PAPPA2: variants seen among roughly 807,000 people sequenced by gnomAD.
PAPPA2 encodes the protein pappalysin 2.
A neutral mutation model predicts 176.4 loss-of-function variants in PAPPA2; 86 were observed. That is an observed-to-expected ratio of 0.49 (90% CI 0.41 to 0.58). The LOEUF is 0.58. PAPPA2 is among the 20% of genes least tolerant of loss of function. PAPPA2 has a pLI of 0.00. For synonymous variants in PAPPA2, 809 were observed against 852.2 expected (o/e 0.95, Z 0.88); for missense variants, 2,073 against 2,256.9 (o/e 0.92, Z 1.65).
chr1:176,571,669 G>T (rs1652344076), intron 2 of PAPPA2, among the ~76,000 whole-genome samples: 1 of 152,188 alleles, frequency 6.6e-6, no homozygotes, highest in African/African-American at 2.4e-5. Context: ...CTGAATGCTT[G>T]TTGCATGTAT....
Position 176,519,683 on chromosome 1 carries a change from C to G in PAPPA2, c.-916-35724C>G, listed in dbSNP as rs116692043. On this transcript the variant is annotated intron_variant, in intron 1 of 22. Coordinates refer to ENST00000367662, the MANE Select transcript of PAPPA2 (RefSeq NM_020318.3). Reference sequence around the variant, plus strand: ...TCCCCAGGAAGTAGAAACAACATGACTGCCTATCACCTGTCCACATAATTA... The same window carrying G: ...TCCCCAGGAAGTAGAAACAACATGAGTGCCTATCACCTGTCCACATAATTA... Among the ~76,000 whole-genome samples the G allele has an allele frequency of 5.5e-3, 844 of 152,308 alleles. 8 individuals carry two copies. Among genetic ancestry groups the G allele is most frequent in the African/African-American group, 0.019 (792 of 41,560 alleles).
intron 2 of PAPPA2, among the ~76,000 whole-genome samples, chr1:176,588,302 G>T (rs571846792): frequency 6.6e-6 from 1 of 152,334 alleles, no homozygotes; most frequent in Non-Finnish European, 1.5e-5. Flanking sequence ...AGTTCAAGAA[G>T]TTTTTGTGCT....
At chr1:176,832,040 G>C (rs911274788) in intron 21 of PAPPA2, among the ~76,000 whole-genome samples, 3 of 152,180 alleles carry the variant, frequency 2.0e-5, no homozygotes, top group Non-Finnish European at 4.4e-5. Context: ...GTTGGTGGCA[G>C]AATCTTGAAG....
chr1:176,771,215 C>A (rs747827128), intron 17 of PAPPA2, 35 bp downstream of exon 17: 5 of 1,585,034 alleles, frequency 3.2e-6, no homozygotes, highest in South Asian at 1.1e-5. Flanking sequence ...GGAGTTCTAC[C>A]TACCTCGCTG....
intron 2 of PAPPA2, among the ~76,000 whole-genome samples, chr1:176,592,006 T>C (rs894037182): frequency 6.6e-6 from 1 of 152,232 alleles, no homozygotes; most frequent in African/African-American, 2.4e-5. Flanking sequence ...TTTTGTAATA[T>C]GGTATAAGCT....
At chr1:176,687,429 T>A (rs1306946310) in intron 4 of PAPPA2, among the ~76,000 whole-genome samples, 1 of 152,148 alleles carries the variant, frequency 6.6e-6, no homozygotes, top group Non-Finnish European at 1.5e-5. Flanking sequence ...CAAAATATTT[T>A]TAGATTTGGA....
intron 1 of PAPPA2, among the ~76,000 whole-genome samples, chr1:176,512,362 T>C (rs1436680446): frequency 6.6e-6 from 1 of 152,140 alleles, no homozygotes; most frequent in Non-Finnish European, 1.5e-5. Context: ...AGTGGCAAAT[T>C]ATGATATATC....
In PAPPA2 at chr1:176,622,239, G is replaced by A. The variant is rs147603848; in HGVS notation, c.1991+26644G>A. Among the ~76,000 whole-genome samples, 445 of 152,252 alleles carry A rather than the reference G, an allele frequency of 2.9e-3. 3 individuals carry two copies. The highest frequency in any genetic ancestry group is 7.8e-3 in the African/African-American group (324 of 41,556). On this transcript the variant is annotated intron_variant, in intron 3 of 22. Transcript: ENST00000367662. ...TTGTACTGCCAGAAATGAAAGAAATGATATGAGTCCTGATTTTTGTGTCAA... is the reference window on the plus strand; with the variant it reads ...TTGTACTGCCAGAAATGAAAGAAATAATATGAGTCCTGATTTTTGTGTCAA...
intron 2 of PAPPA2, among the ~76,000 whole-genome samples, chr1:176,558,684 G>A (rs1433094413): frequency 1.3e-5 from 2 of 152,088 alleles, no homozygotes; most frequent in Admixed American, 6.6e-5. Context: ...ATAATGAGAT[G>A]ATTATCTGAT....
chr1:176,571,305 A>T (rs1419229505), intron 2 of PAPPA2, among the ~76,000 whole-genome samples: 1 of 152,072 alleles, frequency 6.6e-6, no homozygotes, highest in Non-Finnish European at 1.5e-5. Context: ...CCCTCACTGT[A>T]TTAGTTAGGA....
chr1:176,706,742 TAAACC>T (rs765261272), intron 10 of PAPPA2, among the ~76,000 whole-genome samples: 5 of 152,188 alleles, frequency 3.3e-5, no homozygotes, highest in Non-Finnish European at 5.9e-5. Flanking sequence ...ATCTGCGTGG[TAAACC>T]ATTAGGTTAT....
At chr1:176,697,882 G>A (rs1358648048) in intron 7 of PAPPA2, among the ~76,000 whole-genome samples, 2 of 151,984 alleles carry the variant, frequency 1.3e-5, no homozygotes, top group Non-Finnish European at 2.9e-5. Flanking sequence ...AGTTCTTGGT[G>A]TAAAAGAACT....
chr1:176,473,327 G>A (rs770634397), intron 1 of PAPPA2, among the ~76,000 whole-genome samples: 1 of 152,054 alleles, frequency 6.6e-6, no homozygotes, highest in Non-Finnish European at 1.5e-5. Context: ...TTAGTAACAG[G>A]CATTTAAGTT....
chr1:176,814,650 G>C (rs551239844), intron 21 of PAPPA2, among the ~76,000 whole-genome samples: 2 of 152,198 alleles, frequency 1.3e-5, no homozygotes, highest in African/African-American at 4.8e-5. Flanking sequence ...CTGAGACTTT[G>C]CTGCAGTTGC....
intron 2 of PAPPA2, among the ~76,000 whole-genome samples, chr1:176,564,057 C>T (rs926190536): frequency 1.2e-4 from 19 of 152,258 alleles, no homozygotes; most frequent in African/African-American, 4.1e-4. Context: ...GTTTATATTT[C>T]CTCGGAATTG....
intron 17 of PAPPA2, among the ~76,000 whole-genome samples, chr1:176,783,491 T>C (rs1452893957): frequency 6.6e-6 from 1 of 152,166 alleles, no homozygotes; most frequent in Non-Finnish European, 1.5e-5. Flanking sequence ...CTAGCAATGA[T>C]GTAAGAAGCA....
intron 1 of PAPPA2, among the ~76,000 whole-genome samples, chr1:176,549,030 A>T (rs1435938942): frequency 6.6e-6 from 1 of 152,208 alleles, no homozygotes; most frequent in African/African-American, 2.4e-5. Flanking sequence ...ATTATTGCTA[A>T]TACTACTACC....
At chr1:176,477,561 A>G (rs1219919304) in intron 1 of PAPPA2, among the ~76,000 whole-genome samples, 1 of 152,100 alleles carries the variant, frequency 6.6e-6, no homozygotes, top group Non-Finnish European at 1.5e-5. Flanking sequence ...CCTGGCCAAC[A>G]TGGTGAAACT....
At chr1:176,645,955 T>G (rs542045413) in intron 3 of PAPPA2, among the ~76,000 whole-genome samples, 2 of 151,688 alleles carry the variant, frequency 1.3e-5, no homozygotes, top group Non-Finnish European at 3.0e-5. Flanking sequence ...TATTTTACTA[T>G]TGAGGTTTTT....
Sources: gnomAD v4.1 joint callset for allele counts (sites outside exome capture counted in the v4.1 genomes callset) on GRCh38, gnomAD v4.1.1 for gene constraint, MANE v1.5 for transcripts, NCBI Gene and HGNC (gene_info 2026-07-23, HGNC 2026-07-21) for gene names.